Variants in ADAM23 observed in about 807,000 individuals in gnomAD.
ADAM23 encodes ADAM metallopeptidase domain 23, also known as disintegrin and metalloproteinase domain-containing protein 23.
Under a neutral mutation model 120.1 loss-of-function variants are expected in ADAM23, and 33 were observed. The ratio of observed to expected loss-of-function variants is 0.27; its 90% CI spans 0.21 to 0.37. The LOEUF (loss-of-function observed/expected upper bound fraction) is 0.37. Ranked by LOEUF, ADAM23 falls within the 10% of genes least tolerant of loss-of-function variation. ADAM23 has a pLI of 1.00. For missense variants in ADAM23, 862 were observed against 1,058.2 expected (o/e 0.81, Z 2.57); for synonymous variants, 367 against 375.2 (o/e 0.98, Z 0.25).
chr2:206,593,540 T>A (rs1698465021), intron 22 of ADAM23, among the ~76,000 whole-genome samples: 1 of 152,120 alleles, frequency 6.6e-6, no homozygotes, highest in African/African-American at 2.4e-5. Flanking sequence ...GCTAATGCTG[T>A]CTCAGTCAAA....
rs1697046846 is a variant in ADAM23 at position 206,530,934 on chromosome 2, C to A, written c.559C>A (p.Pro187Thr). Residue 187 changes from proline to threonine, a missense_variant, in exon 4 of 26, where the codon CCA (proline) becomes ACA (threonine). Physicochemically the swap from Pro to Thr is conservative, Grantham distance 38. Around this residue, in one of 4 missense-constraint regions of ADAM23, gnomAD observed 617 missense variants for 813.5 expected, o/e 0.76. Coordinates refer to ENST00000264377, the MANE Select transcript of ADAM23 (RefSeq NM_003812.4). ...GGAGATTCACTACGAAAATGGGAAA[C>A]CACAGTACTCTAAGGTACGGTTACC... is the stretch of plus-strand genomic sequence containing the variant. ...YVEIHYENGK[P>T]QYSKGGEHCY... is the part of the protein sequence containing the mutation. 6.2e-7 allele frequency: 1 copy of A among 1,613,670 alleles called. No homozygotes were observed. Among genetic ancestry groups the A allele is most frequent in the African/African-American group, 1.3e-5 (1 of 74,892 alleles).
chr2:206,564,652 A>G (rs531668607), intron 13 of ADAM23, among the ~76,000 whole-genome samples: 38 of 152,296 alleles, frequency 2.5e-4, no homozygotes, highest in African/African-American at 7.7e-4. Flanking sequence ...TTACTTGCCT[A>G]TGGGACTCTC....
chr2:206,494,198 C>T (rs562929083), intron 3 of ADAM23, among the ~76,000 whole-genome samples: 11 of 152,306 alleles, frequency 7.2e-5, no homozygotes, highest in African/African-American at 2.6e-4. Flanking sequence ...CACCATACTG[C>T]ACATTACATC....
In ADAM23 at chr2:206,508,427, G is replaced by A. The variant is rs190462664; in HGVS notation, c.510-22458G>A. On this transcript the variant is annotated intron_variant, in intron 3 of 25. Transcript: ENST00000264377. ...TCCCAGAACTTTGGGAGGCAGAGGC[G>A]AGCGGATCACCTGAGGTCAGGAGTT... 7.7e-3 allele frequency among the ~76,000 whole-genome samples: 1,160 copies of A among 151,588 alleles called. 11 individuals are homozygous for A. The highest frequency in any genetic ancestry group is 0.027 in the African/African-American group (1,109 of 41,324).
chr2:206,453,431 A>G (rs1049773611), intron 2 of ADAM23, among the ~76,000 whole-genome samples: 14 of 152,248 alleles, frequency 9.2e-5, no homozygotes, highest in African/African-American at 3.1e-4. Flanking sequence ...TCAAGAATGT[A>G]TACAATTATA....
intron 4 of ADAM23, among the ~76,000 whole-genome samples, chr2:206,534,467 C>T (rs892949951): frequency 5.9e-5 from 9 of 152,022 alleles, no homozygotes; most frequent in Non-Finnish European, 2.9e-5. Context: ...ACACCCATCA[C>T]CTCACATAGT....
rs990123517 is a variant in ADAM23 at position 206,619,454 on chromosome 2, C to G, written c.*1827C>G. 2 of 152,012 alleles carry G rather than the reference C, an allele frequency of 1.3e-5. No individual in the cohort carries two copies. The highest frequency in any genetic ancestry group is 2.9e-5 in the Non-Finnish European group (2 of 68,024). The allele number at this position is 152,012 out of a possible 1,614,324, so 9.4% of individuals were successfully genotyped here. ...GTATGTGATCACTTCAGTGAGCATC[C>G]CTCTATAGATGGGCTTTAGTAAAGA... is the stretch of plus-strand genomic sequence containing the variant. On this transcript the variant is annotated 3_prime_UTR_variant, in exon 26 of 26. Coordinates refer to ENST00000264377, the MANE Select transcript of ADAM23 (RefSeq NM_003812.4).
intron 3 of ADAM23, among the ~76,000 whole-genome samples, chr2:206,501,927 G>A (rs1696395032): frequency 6.6e-6 from 1 of 152,094 alleles, no homozygotes; most frequent in Admixed American, 6.6e-5. Context: ...ATTCTGGTTA[G>A]AATTGAAATG....
In ADAM23 at chr2:206,448,395, TG is replaced by T. The variant is rs371244713; in HGVS notation, c.432+2873del. On this transcript the variant is annotated intron_variant, in intron 2 of 25. Coordinates refer to ENST00000264377, the MANE Select transcript of ADAM23 (RefSeq NM_003812.4). The stretch of plus-strand genomic sequence containing the variant: ...CGTGTAGCAGTATTAGGGTCTGAAA[TG>T]GAAAAATTTAATTTTGCTTTGTGTG... Among the ~76,000 whole-genome samples the T allele has an allele frequency of 3.2e-3, 490 of 152,348 alleles. 5 individuals are homozygous for T. Among genetic ancestry groups the T allele is most frequent in the African/African-American group, 0.011 (467 of 41,582 alleles).
At chr2:206,555,403 T>G (rs1020059795) in intron 9 of ADAM23, among the ~76,000 whole-genome samples, 4 of 152,156 alleles carry the variant, frequency 2.6e-5, no homozygotes, top group African/African-American at 4.8e-5. Context: ...AGCTCTACCC[T>G]CGTAGTGGTA....
chr2:206,611,376 G>A (rs533192114), intron 25 of ADAM23, among the ~76,000 whole-genome samples: 50 of 152,182 alleles, frequency 3.3e-4, no homozygotes, highest in African/African-American at 1.1e-3. Context: ...AGTGAGTCAC[G>A]CATGTGGCAT....
chr2:206,505,118 T>C (rs968059182), intron 3 of ADAM23, among the ~76,000 whole-genome samples: 1 of 152,158 alleles, frequency 6.6e-6, no homozygotes, highest in African/African-American at 2.4e-5. Flanking sequence ...AGCTATAGAA[T>C]TTTCCAGGAG....
At chr2:206,551,809 C>T (rs1439802210) in intron 9 of ADAM23, among the ~76,000 whole-genome samples, 1 of 152,032 alleles carries the variant, frequency 6.6e-6, no homozygotes, top group Admixed American at 6.6e-5. Flanking sequence ...AATAGAATAC[C>T]TCTTACTTTT....
chr2:206,445,753 A>G (rs1190643554), intron 2 of ADAM23, among the ~76,000 whole-genome samples: 1 of 152,222 alleles, frequency 6.6e-6, no homozygotes, highest in Non-Finnish European at 1.5e-5. Flanking sequence ...GATACCTGAA[A>G]TGATATCCAT....
chr2:206,472,837 C>T (rs533521314), intron 2 of ADAM23, among the ~76,000 whole-genome samples: 1 of 152,252 alleles, frequency 6.6e-6, no homozygotes, highest in Non-Finnish European at 1.5e-5. Flanking sequence ...GAAGTTCCAT[C>T]TTTTTCGGCT....
At chr2:206,558,385 C>T (rs532980543) in intron 10 of ADAM23, among the ~76,000 whole-genome samples, 220 of 152,254 alleles carry the variant, frequency 1.4e-3, no homozygotes, top group Non-Finnish European at 2.4e-3. Context: ...CTAAATGATA[C>T]TTATTTACTC....
intron 3 of ADAM23, among the ~76,000 whole-genome samples, chr2:206,520,563 GTTAA>G (rs1559245757): frequency 6.6e-6 from 1 of 151,914 alleles, no homozygotes; most frequent in African/African-American, 2.4e-5. Flanking sequence ...ATCTTCGGCC[GTTAA>G]TTGAATGAGT....
intron 18 of ADAM23, among the ~76,000 whole-genome samples, chr2:206,581,850 G>T (rs1302149869): frequency 6.6e-6 from 1 of 151,950 alleles, no homozygotes; most frequent in Non-Finnish European, 1.5e-5. Context: ...TTGTGTTGCT[G>T]TCTATGTCCT....
At chr2:206,521,149 T>C (rs1175054976) in intron 3 of ADAM23, among the ~76,000 whole-genome samples, 1 of 152,156 alleles carries the variant, frequency 6.6e-6, no homozygotes. Context: ...TGTTTGTTAT[T>C]TATGGTAGTA....
Sources: allele counts gnomAD v4.1 joint callset (sites outside exome capture counted in the v4.1 genomes callset), GRCh38; gene constraint gnomAD v4.1.1; regional missense constraint gnomAD v4.1.1; transcripts MANE v1.5; gene names NCBI Gene and HGNC (gene_info 2026-07-23, HGNC 2026-07-21).